TRPM3: variants seen among roughly 807,000 people sequenced by gnomAD.
TRPM3 encodes the protein long transient receptor potential channel 3.
A neutral mutation model predicts 181.2 loss-of-function variants in TRPM3; 77 were observed. That is an observed-to-expected ratio of 0.42 (90% CI 0.35 to 0.51). TRPM3 has a LOEUF of 0.51. TRPM3 is among the 20% of genes least tolerant of loss of function. The pLI is 0.01. For missense variants in TRPM3, 1,759 were observed against 2,196.7 expected (o/e 0.80, Z 3.98); for synonymous variants, 745 against 796.4 (o/e 0.94, Z 1.09).
At chr9:71,230,771 T>C (rs1339003008) in intron 1 of TRPM3, among the ~76,000 whole-genome samples, 1 of 152,188 alleles carries the variant, frequency 6.6e-6, no homozygotes, top group Non-Finnish European at 1.5e-5. Flanking sequence ...AGATTCTAAA[T>C]TGGCCACGAA....
intron 1 of TRPM3, among the ~76,000 whole-genome samples, chr9:71,369,227 G>A (rs181030176): frequency 9.5e-4 from 145 of 152,130 alleles, no homozygotes; most frequent in Admixed American, 3.0e-3. Flanking sequence ...TTATCTGAGA[G>A]GACTAATGAA....
intron 7 of TRPM3, among the ~76,000 whole-genome samples, chr9:70,765,188 C>T (rs2078878738): frequency 6.6e-6 from 1 of 152,194 alleles, no homozygotes; most frequent in Non-Finnish European, 1.5e-5. Context: ...CATGGTGTTG[C>T]TCTTCCTGAT....
At position 71,006,731 on chromosome 9, in the gene TRPM3, C is replaced by A. The variant is rs965500429; in HGVS notation, c.177+114447G>T. ...CTAAAAATACAAAAAATTAGCCGGG[C>A]GTGGTGGCGGGCACCTGTAGTCCCA... On this transcript the variant is annotated intron_variant, in intron 1 of 25. Coordinates refer to ENST00000677713, the MANE Select transcript of TRPM3 (RefSeq NM_001366145.2). 4.0e-5 allele frequency among the ~76,000 whole-genome samples: 6 copies of A among 151,872 alleles called. No individual in the cohort carries two copies. In the South Asian group the frequency reaches 1.2e-3, roughly 32 times the overall value.
chr9:70,552,132 A>G (rs117094480), intron 24 of TRPM3, among the ~76,000 whole-genome samples: 1 of 152,282 alleles, frequency 6.6e-6, no homozygotes, highest in Non-Finnish European at 1.5e-5. Flanking sequence ...GCTTGCTGGT[A>G]TGGGATTGGA....
rs2061853678 is a variant in TRPM3, at chr9:70,610,565, C to T, written c.2667+44G>A. On this transcript the variant is annotated intron_variant, in intron 19 of 25. Coordinates refer to ENST00000677713, the MANE Select transcript of TRPM3 (RefSeq NM_001366145.2). ...GATGCATGAGAAATGGACGTTGGCTCCTTGTGGCCATCCACTAGGAAGGAG... is the reference window on the plus strand; with the variant it reads ...GATGCATGAGAAATGGACGTTGGCTTCTTGTGGCCATCCACTAGGAAGGAG... The T allele has an allele frequency of 1.9e-6, 3 of 1,598,462 alleles. No homozygotes were observed. In the African/African-American group the frequency reaches 4.0e-5, roughly 21 times the overall value.
intron 1 of TRPM3, among the ~76,000 whole-genome samples, chr9:70,923,237 C>T (rs1031998951): frequency 1.3e-5 from 2 of 152,068 alleles, no homozygotes; most frequent in African/African-American, 2.4e-5. Context: ...ATCTTCATGG[C>T]GTTTTACACT....
intron 1 of TRPM3, among the ~76,000 whole-genome samples, chr9:70,877,900 C>T (rs2095899598): frequency 6.6e-6 from 1 of 151,680 alleles, no homozygotes; most frequent in Non-Finnish European, 1.5e-5. Context: ...AAACTGTCAC[C>T]ACTGGTGATG....
chr9:71,028,687 C>A (rs967388036), intron 1 of TRPM3, among the ~76,000 whole-genome samples: 24 of 148,150 alleles, frequency 1.6e-4, no homozygotes, highest in African/African-American at 5.4e-4. Context: ...AGACTTTAAA[C>A]CAGCAAAGAT....
At chr9:71,414,611 T>C (rs1279766137) in intron 1 of TRPM3, among the ~76,000 whole-genome samples, 1 of 152,054 alleles carries the variant, frequency 6.6e-6, no homozygotes, top group African/African-American at 2.4e-5. Context: ...ATATTATAAG[T>C]TGGACTGTCA....
intron 1 of TRPM3, among the ~76,000 whole-genome samples, chr9:70,928,939 T>C (rs150673505): frequency 6.6e-6 from 1 of 152,170 alleles, no homozygotes; most frequent in Admixed American, 6.5e-5. Flanking sequence ...GTTCCTGTCC[T>C]GACACAGCAT....
chr9:71,381,833 G>A (rs1246406836), intron 1 of TRPM3, among the ~76,000 whole-genome samples: 1 of 152,044 alleles, frequency 6.6e-6, no homozygotes, highest in African/African-American at 2.4e-5. Flanking sequence ...ATTCTTTCCA[G>A]GTTTCTCATC....
chr9:70,894,239 C>T lies in TRPM3; in HGVS notation c.178-29728G>A, dbSNP rs75325922. ...TCTATGAAATGAACATATAGAATAACATTATATGAACAAACAAAAAGGAAT... is the reference window on the plus strand; with the variant it reads ...TCTATGAAATGAACATATAGAATAATATTATATGAACAAACAAAAAGGAAT... On this transcript the variant is annotated intron_variant, in intron 1 of 25. Coordinates refer to ENST00000677713, the MANE Select transcript of TRPM3 (RefSeq NM_001366145.2). 9.2e-3 allele frequency among the ~76,000 whole-genome samples: 1,407 copies of T among 152,178 alleles called. 17 individuals are homozygous for T. The highest frequency in any genetic ancestry group is 0.032 in the African/African-American group (1,329 of 41,506).
At position 70,900,324 on chromosome 9, in the gene TRPM3, G is replaced by C. The variant is rs576633458; in HGVS notation, c.178-35813C>G. ...CCACTGCACTTCAGCATGGGTGACA[G>C]AGTGAGACTCTGTCTCAAAAACAAA... On this transcript the variant is annotated intron_variant, in intron 1 of 25. Transcript: ENST00000677713. 7.9e-5 allele frequency among the ~76,000 whole-genome samples: 12 copies of C among 152,162 alleles called. No homozygotes were observed. The South Asian group carries it at 2.5e-3, about 32-fold the overall frequency.
At chr9:70,571,807 C>G (rs2052471770) in intron 22 of TRPM3, among the ~76,000 whole-genome samples, 1 of 152,162 alleles carries the variant, frequency 6.6e-6, no homozygotes, top group African/African-American at 2.4e-5. Flanking sequence ...CATCTCTTTA[C>G]TACTTGACCA....
chr9:70,954,301 C>G (rs947249210), intron 1 of TRPM3, among the ~76,000 whole-genome samples: 1 of 152,128 alleles, frequency 6.6e-6, no homozygotes, highest in Non-Finnish European at 1.5e-5. Flanking sequence ...GTCCCGCAGG[C>G]CTCTTTGGTG....
At chr9:71,408,968 T>C (rs538928961) in intron 1 of TRPM3, among the ~76,000 whole-genome samples, 4 of 152,086 alleles carry the variant, frequency 2.6e-5, no homozygotes, top group East Asian at 3.9e-4. Context: ...ATAAAGAAAA[T>C]AATTTTCAAC....
Position 70,738,208 on chromosome 9 carries a change from C to T in TRPM3, c.1272+23393G>A, listed in dbSNP as rs1241682121. ...ACAGTGGAATAAAATTGGAAATCAA[C>T]TCCAAAGGAACCCACAAAACCATGC... is the stretch of plus-strand genomic sequence containing the variant. On this transcript the variant is annotated intron_variant, in intron 8 of 25. Transcript: ENST00000677713. Among the ~76,000 whole-genome samples, 5 of 152,124 alleles carry T rather than the reference C, an allele frequency of 3.3e-5. No individual in the cohort carries two copies. In the East Asian group the frequency reaches 9.6e-4, roughly 29 times the overall value.
At chr9:70,614,926 T>C (rs2062556793) in intron 18 of TRPM3, among the ~76,000 whole-genome samples, 1 of 152,246 alleles carries the variant, frequency 6.6e-6, no homozygotes. Flanking sequence ...CTGAGCCGAC[T>C]CCTCCACAGA....
chr9:70,658,346 T>C (rs377458723), intron 9 of TRPM3, among the ~76,000 whole-genome samples: 121 of 152,316 alleles, frequency 7.9e-4, no homozygotes, highest in African/African-American at 2.6e-3. Flanking sequence ...TTACAAATTA[T>C]GTATTTTTCT....
Sources: allele counts gnomAD v4.1 joint callset (sites outside exome capture counted in the v4.1 genomes callset), GRCh38; gene constraint gnomAD v4.1.1; transcripts MANE v1.5; gene names NCBI Gene and HGNC (gene_info 2026-07-23, HGNC 2026-07-21).